The following CYP11B1 variants were observed in gnomAD, a reference collection of about 807,000 sequenced individuals.
CYP11B1 encodes the protein cytochrome P450 family 11 subfamily B member 1.
CYP11B1 carries 34 observed loss-of-function variants against 48.3 expected under a neutral mutation model. That is an observed-to-expected ratio of 0.70 (90% CI 0.54 to 0.94). CYP11B1 has a LOEUF of 0.94. Ranked by LOEUF, CYP11B1 falls within the 40% of genes least tolerant of loss-of-function variation. CYP11B1 has a pLI of 0.00. For missense variants in CYP11B1, 688 were observed against 657.4 expected (o/e 1.05, Z -0.51); for synonymous variants, 291 against 262.5 (o/e 1.11, Z -1.05).
chr8:142,876,997 G>A (rs1413002187), intron 3 of CYP11B1, 26 bp downstream of exon 3: 1 of 1,612,996 alleles, frequency 6.2e-7, no homozygotes. Flanking sequence ...GGTCTCTGAG[G>A]CTGGATCTTC....
Position 142,879,129 on chromosome 8 carries a change from G to A in CYP11B1, c.298C>T (p.Leu100=). 6.2e-7 allele frequency: 1 copy of A among 1,614,118 alleles called. No individual in the cohort carries two copies. The highest frequency in any genetic ancestry group is 1.1e-5 in the South Asian group (1 of 91,082). ...GGATGCAGGCTGTCCACCTGTTGCAGCTTCTCCACGTCCTCCGGCAGCATC... is the reference window on the plus strand; with the variant it reads ...GGATGCAGGCTGTCCACCTGTTGCAACTTCTCCACGTCCTCCGGCAGCATC... ...CVMLPEDVEK[L]QQVDSLHPHR... The change falls in exon 2 of 9, where the codon CTG becomes TTG. Residue 100 remains leucine, a synonymous_variant. Coordinates refer to ENST00000292427, the MANE Select transcript of CYP11B1 (RefSeq NM_000497.4).
In CYP11B1 at chr8:142,876,775, G is replaced by A. The variant is rs1816968040; in HGVS notation, c.706C>T (p.Gln236Ter). Residue 236 changes from glutamine (Q) to a stop codon, truncating the protein, a stop_gained, in exon 4 of 9, where the codon CAG (glutamine) becomes TAG (stop). Transcript: ENST00000292427. LOFTEE classifies it high-confidence loss of function. ...AGGCTCCTGGGCATGAACATGAGCT[G>A]GACGGTGGATTTGAACATGACCTCC... Reference protein sequence around the residue: ...ALEVMFKSTVQLMFMPRSLSR... With the variant: ...ALEVMFKSTV The A allele has an allele frequency of 1.2e-6, 2 of 1,614,000 alleles. No homozygotes were observed. The highest frequency in any genetic ancestry group is 2.7e-5 in the African/African-American group (2 of 74,940).
Position 142,879,824 on chromosome 8 carries a change from C to A in CYP11B1, c.-11G>T, listed in dbSNP as rs776199363. The A allele has an allele frequency of 5.6e-6, 9 of 1,611,818 alleles. No individual in the cohort carries two copies. In the Admixed American group the frequency reaches 1.5e-4, roughly 27 times the overall value. On this transcript the variant is annotated 5_prime_UTR_variant, in exon 1 of 9. Coordinates refer to ENST00000292427, the MANE Select transcript of CYP11B1 (RefSeq NM_000497.4). ...TGCCCTGAGTGCCATTCCAATGCTC[C>A]CTCCACCCTGTTCAGCTGCAATCCT...
At chr8:142,874,884 T>G (rs1264577280) in intron 8 of CYP11B1, 73 bp downstream of exon 8, 9 of 1,574,982 alleles carry the variant, frequency 5.7e-6, no homozygotes, top group African/African-American at 1.3e-5. Context: ...CCGAGGCCAG[T>G]CCCACATTGC....
rs1381896831 is a variant in CYP11B1, at chr8:142,875,152, T to A, written c.1203A>T (p.Thr401=). Residue 401 remains threonine (T), a splice_region_variant and synonymous_variant, in exon 8 of 9, where the codon ACA becomes ACT. Coordinates refer to ENST00000292427, the MANE Select transcript of CYP11B1 (RefSeq NM_000497.4). Reference sequence around the variant, plus strand: ...GAGAGTAGAGGAACACGCGCACCAATGTCTGCGGACGGTGCAGAGCGGGGA... The same window carrying A: ...GAGAGTAGAGGAACACGCGCACCAAAGTCTGCGGACGGTGCAGAGCGGGGA... ...VLQNYHIPAG[T]LVRVFLYSLG... is the part of the protein sequence containing the mutation. The A allele has an allele frequency of 3.1e-6, 5 of 1,614,168 alleles. No homozygotes were observed. Among genetic ancestry groups the A allele is most frequent in the Non-Finnish European group, 4.2e-6 (5 of 1,180,020 alleles).
intron 5 of CYP11B1, 111 bp downstream of exon 5, chr8:142,876,130 G>A (rs996518742): frequency 6.2e-6 from 9 of 1,446,072 alleles, no homozygotes; most frequent in East Asian, 2.3e-5. Context: ...AGAAATGTGG[G>A]GCCCATAGCC....
intron 6 of CYP11B1, 169 bp from the exon 7 acceptor site, chr8:142,875,481 A>C: frequency 2.8e-6 from 3 of 1,088,854 alleles, no homozygotes; most frequent in Admixed American, 2.0e-5. Context: ...CCCCTAACTT[A>C]AGCAGCCCCG....
In CYP11B1 at chr8:142,876,302, TC is replaced by T. The variant is rs1216809837; in HGVS notation, c.892del (p.Glu298AsnfsTer27). 6.2e-7 allele frequency: 1 copy of T among 1,614,092 alleles called. No homozygotes were observed. The highest frequency in any genetic ancestry group is 8.5e-7 in the Non-Finnish European group (1 of 1,180,044). On this transcript the variant is annotated frameshift_variant, in exon 5 of 9. Transcript: ENST00000292427. LOFTEE classifies it high-confidence loss of function. Reference protein sequence around the residue: ...SIVAELLLNAELSPDAIKANS... With the variant: ...SIVAELLLNAXLSPDAIKANS... ...GGCCTTGATGGCATCTGGCGACAGT[TC>T]CGCATTCAACAGGAGCTCCGCCACG...
intron 8 of CYP11B1, 152 bp from the exon 9 acceptor site, chr8:142,874,638 C>A (rs935024402): frequency 5.2e-5 from 38 of 726,236 alleles, no homozygotes; most frequent in Non-Finnish European, 7.9e-5. Flanking sequence ...CCCCACCTTA[C>A]AGCCCAGGCC....
intron 2 of CYP11B1, chr8:142,877,916 T>C: frequency 8.6e-7 from 1 of 1,162,394 alleles, no homozygotes; most frequent in South Asian, 1.3e-5. Flanking sequence ...ATGCACATGC[T>C]CACATGCGCC....
In CYP11B1 at chr8:142,875,676, G is replaced by A. The variant is rs761848795; in HGVS notation, c.1121+36C>T. The A allele has an allele frequency of 6.2e-6, 10 of 1,611,008 alleles. No homozygotes were observed. In the East Asian group the frequency reaches 1.1e-4, roughly 18 times the overall value. On this transcript the variant is annotated intron_variant, in intron 6 of 8. Coordinates refer to ENST00000292427, the MANE Select transcript of CYP11B1 (RefSeq NM_000497.4). ...CAGTGGGGGCTGCTCTCCAGCAGGG[G>A]GCCAGGGCCACAGGGAGGCCTCAGC...
At chr8:142,879,372 C>T (rs1387300026) in intron 1 of CYP11B1, 185 bp from the exon 2 acceptor site, 18 of 1,609,272 alleles carry the variant, frequency 1.1e-5, no homozygotes, top group Non-Finnish European at 1.5e-5. Flanking sequence ...CCTGCCCTCT[C>T]TGCAGCGAGC....
chr8:142,876,815 G>C lies in CYP11B1; in HGVS notation c.666C>G (p.Asn222Lys). ...ACATGACCTCCAGGGCATGGAGGAA[G>C]TTCAGGCTGGCAGAACTGGGGCTGT... ...VGHSPSSASL[N>K]FLHALEVMFK... is the part of the protein sequence containing the mutation. Residue 222 changes from asparagine to lysine, a missense_variant, in exon 4 of 9, where the codon AAC becomes AAG. Physicochemically the swap from Asn to Lys is moderately conservative, Grantham distance 94 (BLOSUM62 0). Transcript: ENST00000292427. The C allele has an allele frequency of 1.2e-6, 2 of 1,614,216 alleles. No homozygotes were observed. Among genetic ancestry groups the C allele is most frequent in the Admixed American group, 1.7e-5 (1 of 60,028 alleles).
In CYP11B1 at chr8:142,875,266, A is replaced by C; in HGVS notation, c.1168T>G (p.Leu390Val). The change falls in exon 7 of 9, where the codon TTG becomes GTG. Residue 390 changes from leucine (L) to valine (V), a missense_variant. Transcript: ENST00000292427. ...LFLERVASSDLVLQNYHIPAG... is the reference protein window; with the variant it reads ...LFLERVASSDVVLQNYHIPAG... ...GGGATGTGGTAGTTCTGAAGCACCA[A>C]GTCTGAGCTCGCCACTCGCTCCAGA... is the stretch of plus-strand genomic sequence containing the variant. 6.2e-7 allele frequency: 1 copy of C among 1,613,868 alleles called. No individual in the cohort carries two copies. Among genetic ancestry groups the C allele is most frequent in the Non-Finnish European group, 8.5e-7 (1 of 1,180,016 alleles).
In CYP11B1 at chr8:142,876,296, G is replaced by A. The variant is rs202091168; in HGVS notation, c.899C>T (p.Ser300Leu). ...VAELLLNAEL[S>L]PDAIKANSME... ...AGAGTTGGCCTTGATGGCATCTGGC[G>A]ACAGTTCCGCATTCAACAGGAGCTC... Residue 300 changes from serine to leucine, a missense_variant, in exon 5 of 9, where the codon TCG becomes TTG. Physicochemically the swap from Ser to Leu is moderately radical, Grantham distance 145. Transcript: ENST00000292427. 9.9e-6 allele frequency: 16 copies of A among 1,614,134 alleles called. No homozygotes were observed. Among genetic ancestry groups the A allele is most frequent in the African/African-American group, 2.7e-5 (2 of 74,944 alleles).
At chr8:142,874,810 G>A (rs914968343) in intron 8 of CYP11B1, 147 bp downstream of exon 8, 6 of 1,011,216 alleles carry the variant, frequency 5.9e-6, no homozygotes, top group Non-Finnish European at 7.4e-6. Context: ...GCCTCAACCT[G>A]GCCCAGGTTC....
intron 2 of CYP11B1, among the ~76,000 whole-genome samples, chr8:142,877,493 G>A (rs1423332938): frequency 2.6e-5 from 4 of 152,316 alleles, no homozygotes; most frequent in African/African-American, 9.6e-5. Flanking sequence ...CCGGGACCTG[G>A]CACCCCAAGT....
In CYP11B1 at chr8:142,876,367, C is replaced by A; in HGVS notation, c.828G>T (p.Gln276His). Residue 276 changes from glutamine (Q) to histidine (H), a missense_variant, in exon 5 of 9, where the codon CAG becomes CAT. By Grantham distance (24) the Gln-to-His change is conservative. Coordinates refer to ENST00000292427, the MANE Select transcript of CYP11B1 (RefSeq NM_000497.4). The part of the protein sequence containing the change: ...YGDNCIQKIY[Q>H]ELAFSRPQQY... ...GTTGAGGGCGGCTGAAGGCCAGTTC[C>A]TGATAGATTTTCTGGATACAGTTGT... 1 of 1,614,152 alleles carries A rather than the reference C, an allele frequency of 6.2e-7. No individual in the cohort carries two copies. Among genetic ancestry groups the A allele is most frequent in the East Asian group, 2.2e-5 (1 of 44,876 alleles).
intron 2 of CYP11B1, among the ~76,000 whole-genome samples, chr8:142,878,062 A>G (rs75814840): frequency 3.7e-5 from 1 of 26,840 alleles, no homozygotes; most frequent in East Asian, 3.5e-3. Flanking sequence ...ACACAGACAC[A>G]TGTGCACACA....
Sources: gnomAD v4.1 joint callset for allele counts (sites outside exome capture counted in the v4.1 genomes callset) on GRCh38, gnomAD v4.1.1 for gene constraint, MANE v1.5 for transcripts, NCBI Gene and HGNC (gene_info 2026-07-23, HGNC 2026-07-21) for gene names.